The following MTFR1 variants were observed in gnomAD, a reference collection of about 807,000 sequenced individuals.
MTFR1 encodes the protein chondrocyte protein with a poly-proline region.
Under a neutral mutation model 38.8 loss-of-function variants are expected in MTFR1, and 28 were observed. The ratio of observed to expected loss-of-function variants is 0.72; its 90% confidence interval spans 0.53 to 0.99. The LOEUF (loss-of-function observed/expected upper bound fraction) is 0.99. Ranked by LOEUF, MTFR1 falls within the 50% of genes least tolerant of loss-of-function variation. MTFR1 has a pLI of 0.00. For synonymous variants in MTFR1, 145 were observed against 137.0 expected (o/e 1.06, Z -0.41); for missense variants, 358 against 395.5 (o/e 0.91, Z 0.81).
downstream of MTFR1, among the ~76,000 whole-genome samples, chr8:65,771,650 C>T (rs974162087): frequency 6.6e-5 from 10 of 151,856 alleles, no homozygotes; most frequent in South Asian, 2.1e-4. Flanking sequence ...CCAGGGCGGG[C>T]GGATCACCTG....
At chr8:65,713,439 A>ACACACAC (rs1806010318), downstream of MTFR1, among the ~76,000 whole-genome samples, 3 of 137,472 alleles carry the variant, frequency 2.2e-5, no homozygotes, top group East Asian at 2.4e-4. Flanking sequence ...TCCCATCTCA[A>ACACACAC]ACACACACAC....
chr8:65,772,780 G>C (rs542302354), downstream of MTFR1, among the ~76,000 whole-genome samples: 2 of 152,280 alleles, frequency 1.3e-5, no homozygotes, highest in African/African-American at 4.8e-5. Flanking sequence ...AAGGCAGGCA[G>C]ATCACTTGAG....
At chr8:65,664,924 TA>T (rs1416884076) in intron 1 of MTFR1, among the ~76,000 whole-genome samples, 19 of 146,884 alleles carry the variant, frequency 1.3e-4, no homozygotes, top group East Asian at 8.3e-4. Context: ...TTCATGCTTT[TA>T]AAAAAAAATT....
chr8:65,674,468 C>T lies in MTFR1; in HGVS notation c.66+4450C>T, dbSNP rs201101034. On this transcript the variant is annotated intron_variant, in intron 2 of 7. Coordinates refer to ENST00000262146, the MANE Select transcript of MTFR1 (RefSeq NM_014637.4). The stretch of plus-strand genomic sequence containing the variant: ...CTCTACAAAAATTACAAAAATTAGC[C>T]GGGCATGGTGGTGTATGCCTGTAGT... Among the ~76,000 whole-genome samples, 5 of 151,808 alleles carry T rather than the reference C, an allele frequency of 3.3e-5. No individual in the cohort carries two copies. In the South Asian group the frequency reaches 6.2e-4, roughly 19 times the overall value.
intron 4 of MTFR1, among the ~76,000 whole-genome samples, chr8:65,698,940 G>A (rs1805532413): frequency 6.6e-6 from 1 of 152,090 alleles, no homozygotes; most frequent in Non-Finnish European, 1.5e-5. Context: ...TGTTGGTCAG[G>A]CTGGTCTCGA....
chr8:65,651,727 GT>G (rs1296353445), intron 1 of MTFR1, among the ~76,000 whole-genome samples: 1 of 151,804 alleles, frequency 6.6e-6, no homozygotes, highest in Admixed American at 6.6e-5. Context: ...TTGAAGTCCA[GT>G]TTTTTTCTTT....
At chr8:65,713,079 A>G (rs1254568063), downstream of MTFR1, among the ~76,000 whole-genome samples, 1 of 152,228 alleles carries the variant, frequency 6.6e-6, no homozygotes, top group Non-Finnish European at 1.5e-5. Context: ...ACCAGTGGAA[A>G]GCTTCAGTAA....
the MTFR1 span, among the ~76,000 whole-genome samples, chr8:65,776,420 T>C: frequency 6.6e-6 from 1 of 152,208 alleles, no homozygotes; most frequent in African/African-American, 2.4e-5. Context: ...TTCCTAATTG[T>C]CTTGGCTATT....
intron 3 of MTFR1, among the ~76,000 whole-genome samples, chr8:65,763,212 G>A (rs1808599632): frequency 6.6e-6 from 1 of 152,074 alleles, no homozygotes; most frequent in Non-Finnish European, 1.5e-5. Context: ...TTTAGATTAT[G>A]CAGAATTCAA....
Position 65,666,377 on chromosome 8 carries a change from G to T in MTFR1, c.-80-3496G>T, listed in dbSNP as rs183008121. Among the ~76,000 whole-genome samples, 126 of 152,362 alleles carry T rather than the reference G, an allele frequency of 8.3e-4. 1 individual carries two copies. Among genetic ancestry groups the T allele is most frequent in the Admixed American group, 2.9e-3 (45 of 15,300 alleles). ...GCTGAGATCGCGCCACTGCAGTCCA[G>T]CCTGGGCGATGGAGTGAGACTTTGT... On this transcript the variant is annotated intron_variant, in intron 1 of 7. Coordinates refer to ENST00000262146, the MANE Select transcript of MTFR1 (RefSeq NM_014637.4).
downstream of MTFR1, among the ~76,000 whole-genome samples, chr8:65,712,586 G>A (rs1317420460): frequency 6.6e-6 from 1 of 152,168 alleles, no homozygotes; most frequent in Non-Finnish European, 1.5e-5. Context: ...TATATCAATA[G>A]TTAATTTTAC....
At chr8:65,688,098 TAAAA>T (rs546722264) in intron 3 of MTFR1, among the ~76,000 whole-genome samples, 1 of 120,880 alleles carries the variant, frequency 8.3e-6, no homozygotes. Context: ...AGACTCCGTC[TAAAA>T]AAAAAAAAAA....
chr8:65,666,939 A>G (rs1206874408), intron 1 of MTFR1, among the ~76,000 whole-genome samples: 1 of 152,232 alleles, frequency 6.6e-6, no homozygotes, highest in Non-Finnish European at 1.5e-5. Flanking sequence ...TATATCTGAT[A>G]GAATTATACT....
chr8:65,648,713 ACAGT>A (rs1809036385), intron 1 of MTFR1, among the ~76,000 whole-genome samples: 1 of 152,198 alleles, frequency 6.6e-6, no homozygotes, highest in South Asian at 2.1e-4. Flanking sequence ...TAAAATGTAA[ACAGT>A]CAGACAAGTT....
At chr8:65,776,218 T>C (rs538207877), downstream of MTFR1, among the ~76,000 whole-genome samples, 3 of 152,314 alleles carry the variant, frequency 2.0e-5, no homozygotes, top group East Asian at 5.8e-4. Flanking sequence ...CATTGCATTA[T>C]TTATCTTCTA....
At chr8:65,694,366 C>T (rs183294305) in intron 4 of MTFR1, among the ~76,000 whole-genome samples, 9 of 152,124 alleles carry the variant, frequency 5.9e-5, no homozygotes, top group South Asian at 2.1e-4. Context: ...TGAGCCACCA[C>T]GCCCAGCCTA....
the MTFR1 span, among the ~76,000 whole-genome samples, chr8:65,778,475 G>A: frequency 6.6e-6 from 1 of 152,224 alleles, no homozygotes; most frequent in Non-Finnish European, 1.5e-5. Flanking sequence ...TAAGCTGTCT[G>A]AACCATTCCA....
chr8:65,668,378 G>A (rs1321280077), intron 1 of MTFR1, among the ~76,000 whole-genome samples: 1 of 149,582 alleles, frequency 6.7e-6, no homozygotes, highest in African/African-American at 2.5e-5. Flanking sequence ...AATAGAGATG[G>A]GATTTTACTA....
intron 3 of MTFR1, among the ~76,000 whole-genome samples, chr8:65,734,216 C>G (rs1807028422): frequency 6.6e-6 from 1 of 152,214 alleles, no homozygotes; most frequent in South Asian, 2.1e-4. Flanking sequence ...TTCTACTCAA[C>G]TGCCCAAACC....
Sources: allele counts gnomAD v4.1 joint callset (sites outside exome capture counted in the v4.1 genomes callset), GRCh38; gene constraint gnomAD v4.1.1; transcripts MANE v1.5; gene names NCBI Gene and HGNC (gene_info 2026-07-23, HGNC 2026-07-21).